The following MDGA2 variants were observed in gnomAD, a reference collection of about 807,000 sequenced individuals.
The protein encoded by MDGA2 is MAM domain-containing glycosylphosphatidylinositol anchor protein 2.
MDGA2 carries 40 observed loss-of-function variants against 117.8 expected under a neutral mutation model. The ratio of observed to expected loss-of-function variants is 0.34; its 90% CI spans 0.26 to 0.44. MDGA2 has a LOEUF of 0.44. MDGA2 is among the 20% of genes least tolerant of loss of function. MDGA2 has a pLI of 1.00. For synonymous variants in MDGA2, 452 were observed against 439.0 expected (o/e 1.03, Z -0.37); for missense variants, 1,123 against 1,250.6 (o/e 0.90, Z 1.54).
intron 10 of MDGA2, among the ~76,000 whole-genome samples, chr14:46,882,955 T>C (rs1025205043): frequency 1.3e-5 from 2 of 151,900 alleles, no homozygotes; most frequent in African/African-American, 2.4e-5. Flanking sequence ...AGTGTGATTG[T>C]AATATGTTAA....
chr14:47,232,222 A>C (rs1886715783), intron 2 of MDGA2, among the ~76,000 whole-genome samples: 1 of 152,114 alleles, frequency 6.6e-6, no homozygotes, highest in Non-Finnish European at 1.5e-5. Flanking sequence ...TTGTTGGTGC[A>C]AATCACAGTA....
intron 8 of MDGA2, among the ~76,000 whole-genome samples, chr14:47,024,668 T>C (rs1008867720): frequency 6.6e-6 from 1 of 152,194 alleles, no homozygotes; most frequent in Non-Finnish European, 1.5e-5. Flanking sequence ...ACAATACACA[T>C]ATTAAATTTC....
intron 8 of MDGA2, among the ~76,000 whole-genome samples, chr14:46,974,470 CAA>C (rs1164197914): frequency 2.6e-5 from 4 of 152,058 alleles, no homozygotes; most frequent in Non-Finnish European, 5.9e-5. Flanking sequence ...TTCTTGATTT[CAA>C]AAGTCACTAC....
rs561973660 is a variant in MDGA2, at chr14:47,665,911, A to T, written c.280+8606T>A. On this transcript the variant is annotated intron_variant, in intron 1 of 16. Transcript: ENST00000399232. ...CGCGGCCCCCTGCTCCATGGTGCCCAGTCCCATCAACTGCCCAAGGGCTGA... is the reference window on the plus strand; with the variant it reads ...CGCGGCCCCCTGCTCCATGGTGCCCTGTCCCATCAACTGCCCAAGGGCTGA... Among the ~76,000 whole-genome samples the T allele has an allele frequency of 1.3e-4, 20 of 149,352 alleles. No individual in the cohort carries two copies. In the East Asian group the frequency reaches 4.0e-3, roughly 30 times the overall value.
At chr14:47,171,651 A>G (rs996044658) in intron 3 of MDGA2, among the ~76,000 whole-genome samples, 5 of 152,102 alleles carry the variant, frequency 3.3e-5, no homozygotes, top group African/African-American at 1.2e-4. Context: ...TTTTATGTCA[A>G]TTTGGAGAGG....
At chr14:46,991,359 T>A (rs1305903161) in intron 8 of MDGA2, among the ~76,000 whole-genome samples, 1 of 152,154 alleles carries the variant, frequency 6.6e-6, no homozygotes, top group Non-Finnish European at 1.5e-5. Flanking sequence ...AAACAACTTT[T>A]ATTTTTAAGT....
At chr14:47,366,359 A>C (rs900677441) in intron 1 of MDGA2, among the ~76,000 whole-genome samples, 3 of 103,888 alleles carry the variant, frequency 2.9e-5, no homozygotes, top group Non-Finnish European at 6.2e-5. Flanking sequence ...TATTAGTCTG[A>C]AAAAAAAAAA....
chr14:46,946,037 G>GA (rs1038395071), intron 9 of MDGA2, among the ~76,000 whole-genome samples: 1 of 151,730 alleles, frequency 6.6e-6, no homozygotes, highest in African/African-American at 2.4e-5. Flanking sequence ...TTAGCACAAA[G>GA]AAAAAAACAA....
rs1173434445 is a variant in MDGA2 at position 46,882,181 on chromosome 14, T to C, written c.2279A>G (p.Asn760Ser). The C allele has an allele frequency of 6.2e-7, 1 of 1,612,664 alleles. No homozygotes were observed. Among genetic ancestry groups the C allele is most frequent in the Non-Finnish European group, 8.5e-7 (1 of 1,179,130 alleles). Residue 760 changes from asparagine (N) to serine (S), a missense_variant, in exon 11 of 17, where the codon AAT becomes AGT. Physicochemically the swap from Asn to Ser is conservative, Grantham distance 46. Coordinates refer to ENST00000399232, the MANE Select transcript of MDGA2 (RefSeq NM_001113498.3). Reference sequence around the variant, plus strand: ...TAATTCTCCCTTTTGAATATTCCCATTTATTTTAATCTCCTGCTCCCACCA... The same window carrying C: ...TAATTCTCCCTTTTGAATATTCCCACTTATTTTAATCTCCTGCTCCCACCA... ...QRWWEQEIKINGNIQKGELIT... is the reference protein window; with the variant it reads ...QRWWEQEIKISGNIQKGELIT...
At chr14:47,494,553 T>A (rs954006578) in intron 1 of MDGA2, among the ~76,000 whole-genome samples, 1 of 152,106 alleles carries the variant, frequency 6.6e-6, no homozygotes, top group African/African-American at 2.4e-5. Flanking sequence ...TCCCATTTGT[T>A]TTTGTTGCAT....
At chr14:47,291,466 GGTTATCTCCT>G (rs1888885750) in intron 2 of MDGA2, among the ~76,000 whole-genome samples, 1 of 151,266 alleles carries the variant, frequency 6.6e-6, no homozygotes, top group Admixed American at 6.6e-5. Flanking sequence ...CTTATAATGG[GGTTATCTCCT>G]GATAACCCCA....
chr14:47,597,670 C>A (rs1194540964), intron 1 of MDGA2, among the ~76,000 whole-genome samples: 2 of 151,946 alleles, frequency 1.3e-5, no homozygotes, highest in African/African-American at 2.4e-5. Context: ...TTGCCAAACA[C>A]CTTTCTCCTA....
chr14:47,665,516 T>C, intron 1 of MDGA2, among the ~76,000 whole-genome samples: 1 of 152,008 alleles, frequency 6.6e-6, no homozygotes, highest in East Asian at 1.9e-4. Flanking sequence ...CCTCGGCTTG[T>C]GGGGAGGTGT....
At chr14:47,491,837 C>T (rs1894176324) in intron 1 of MDGA2, among the ~76,000 whole-genome samples, 2 of 151,852 alleles carry the variant, frequency 1.3e-5, no homozygotes, top group South Asian at 2.1e-4. Context: ...TATTAATTTT[C>T]AAAGTGTCCA....
chr14:46,999,416 T>A (rs772728077), intron 8 of MDGA2, among the ~76,000 whole-genome samples: 9 of 152,110 alleles, frequency 5.9e-5, no homozygotes, highest in Non-Finnish European at 1.2e-4. Context: ...ACTAGATTCA[T>A]CATTACTAGC....
intron 5 of MDGA2, among the ~76,000 whole-genome samples, chr14:47,100,971 T>C (rs970245926): frequency 1.6e-4 from 25 of 151,992 alleles, no homozygotes; most frequent in Non-Finnish European, 2.8e-4. Context: ...CAGGTCATGA[T>C]AGACATTGCC....
intron 1 of MDGA2, among the ~76,000 whole-genome samples, chr14:47,526,612 A>C (rs907997371): frequency 6.6e-6 from 1 of 152,016 alleles, no homozygotes; most frequent in African/African-American, 2.4e-5. Context: ...CTTGATTTCA[A>C]GGAGTTTCAC....
chr14:47,513,649 C>T (rs934694704), intron 1 of MDGA2, among the ~76,000 whole-genome samples: 2 of 151,974 alleles, frequency 1.3e-5, no homozygotes, highest in African/African-American at 4.8e-5. Context: ...AACATTTCTT[C>T]GGATACATAT....
At chr14:47,565,922 A>G (rs1009560768) in intron 1 of MDGA2, among the ~76,000 whole-genome samples, 2 of 152,124 alleles carry the variant, frequency 1.3e-5, no homozygotes, top group East Asian at 3.9e-4. Context: ...TCTGGCAGCA[A>G]TGGTAGTTTG....
Sources: gnomAD v4.1 joint callset for allele counts (sites outside exome capture counted in the v4.1 genomes callset) on GRCh38, gnomAD v4.1.1 for gene constraint, MANE v1.5 for transcripts, NCBI Gene and HGNC (gene_info 2026-07-23, HGNC 2026-07-21) for gene names.